Variants in ZNF442 observed in about 807,000 individuals in gnomAD.
ZNF442 encodes the protein zinc finger protein 442.
Under a neutral mutation model 57.0 loss-of-function variants are expected in ZNF442, and 45 were observed. The observed-to-expected ratio is 0.79, with a 90% CI of 0.62 to 1.01. The LOEUF (loss-of-function observed/expected upper bound fraction) is 1.01, where lower values mean the gene tolerates loss of function less well. ZNF442 is among the 50% of genes least tolerant of loss of function. ZNF442 has a pLI of 0.00. For synonymous variants in ZNF442, 213 were observed against 241.8 expected (o/e 0.88, Z 1.10); for missense variants, 690 against 756.5 (o/e 0.91, Z 1.03).
At chr19:12,357,128 T>C (rs1206969952) in intron 3 of ZNF442, among the ~76,000 whole-genome samples, 1 of 152,160 alleles carries the variant, frequency 6.6e-6, no homozygotes, top group African/African-American at 2.4e-5. Context: ...TTCATCGTAT[T>C]TTCTCCCCTC....
chr19:12,363,759 G>C, intron 2 of ZNF442, 88 bp from the exon 3 acceptor site: 1 of 810,464 alleles, frequency 1.2e-6, no homozygotes, highest in Non-Finnish European at 2.1e-6. Flanking sequence ...ATCCCACCCA[G>C]GGCATCCAGC....
intron 4 of ZNF442, among the ~76,000 whole-genome samples, chr19:12,352,739 A>C (rs970258562): frequency 5.9e-5 from 9 of 152,196 alleles, no homozygotes; most frequent in African/African-American, 2.2e-4. Flanking sequence ...AATATATGTG[A>C]CAGACAACAT....
intron 3 of ZNF442, among the ~76,000 whole-genome samples, chr19:12,357,781 C>G (rs1191153353): frequency 2.6e-5 from 4 of 152,052 alleles, no homozygotes; most frequent in Non-Finnish European, 4.4e-5. Context: ...TGATATAGTG[C>G]ATTGTGGTGA....
In ZNF442 at chr19:12,348,180, A is replaced by G. The variant is rs1969156494; in HGVS notation, c.*1521T>C. ...ACCAACATGGTGAAACCCCATCTCT[A>G]CTAAAAATAAAAATTAGCCAGGCAT... On this transcript the variant is annotated 3_prime_UTR_variant, in exon 6 of 6. Transcript: ENST00000242804. 6.6e-6 allele frequency: 1 copy of G among 152,066 alleles called. No individual in the cohort carries two copies. The highest frequency in any genetic ancestry group is 2.4e-5 in the African/African-American group (1 of 41,392). 9.4% of individuals were successfully genotyped at this position (152,066 alleles called of 1,614,324 possible).
chr19:12,351,742 G>T, intron 5 of ZNF442: 1 of 379,180 alleles, frequency 2.6e-6, no homozygotes, highest in Non-Finnish European at 4.7e-6. Flanking sequence ...TTGACCTTGT[G>T]ATCGCTCGCC....
rs1312876955 is a variant in ZNF442 at position 12,364,881 on chromosome 19, T to C, written c.-120A>G. The stretch of plus-strand genomic sequence containing the variant: ...ACACTGACCGCCGGCTTCTGCATTG[T>C]GCCTGGGGATAAGATCTCGGAGAGC... On this transcript the variant is annotated 5_prime_UTR_variant, in exon 2 of 6. Coordinates refer to ENST00000242804, the MANE Select transcript of ZNF442 (RefSeq NM_030824.3). The C allele has an allele frequency of 6.6e-6, 1 of 152,146 alleles. No individual in the cohort carries two copies. The highest frequency in any genetic ancestry group is 6.6e-5 in the Admixed American group (1 of 15,264). 9.4% of individuals were successfully genotyped at this position (152,146 alleles called of 1,614,324 possible).
chr19:12,373,051 T>A, the ZNF442 span, among the ~76,000 whole-genome samples: 1 of 152,226 alleles, frequency 6.6e-6, no homozygotes, highest in East Asian at 1.9e-4. Flanking sequence ...GGATTACAGG[T>A]GTCAGCCACC....
At chr19:12,357,677 T>A (rs1431298343) in intron 3 of ZNF442, among the ~76,000 whole-genome samples, 3 of 152,054 alleles carry the variant, frequency 2.0e-5, no homozygotes, top group African/African-American at 7.2e-5. Flanking sequence ...TCTAATTCAG[T>A]AGGACTAGAG....
intron 1 of ZNF442, 71 bp downstream of exon 1, chr19:12,365,461 GC>G: frequency 2.6e-6 from 1 of 382,956 alleles, no homozygotes; most frequent in South Asian, 2.8e-5. Flanking sequence ...CCCGGGTCCC[GC>G]CACAGCCGGT....
rs1019835576 is a variant in ZNF442, at chr19:12,365,589, T to C, written c.-539A>G. 9 of 379,110 alleles carry C rather than the reference T, an allele frequency of 2.4e-5. No homozygotes were observed. Among genetic ancestry groups the C allele is most frequent in the African/African-American group, 6.6e-5 (3 of 45,180 alleles). The allele number at this position is 379,110 out of a possible 1,614,324, so 23.5% of individuals were successfully genotyped here. ...TCCCCAAGGTTCCCCGCTGCCAGCATAGGACTCAGCGTGACAGTGCCTGCC... is the reference window on the plus strand; with the variant it reads ...TCCCCAAGGTTCCCCGCTGCCAGCACAGGACTCAGCGTGACAGTGCCTGCC... On this transcript the variant is annotated 5_prime_UTR_variant, in exon 1 of 6. An upstream start codon of the reference 5' UTR is lost. Transcript: ENST00000242804.
At chr19:12,367,205 G>C (rs998471333), upstream of ZNF442, among the ~76,000 whole-genome samples, 1 of 152,168 alleles carries the variant, frequency 6.6e-6, no homozygotes, top group Non-Finnish European at 1.5e-5. Context: ...AGAGTACAAA[G>C]AGAAGAATTT....
At chr19:12,357,770 A>G (rs1969357956) in intron 3 of ZNF442, among the ~76,000 whole-genome samples, 1 of 152,094 alleles carries the variant, frequency 6.6e-6, no homozygotes, top group Non-Finnish European at 1.5e-5. Context: ...TGTTGCCACA[A>G]TGATATAGTG....
At chr19:12,361,714 G>GGTCTCC (rs1442658272) in intron 3 of ZNF442, among the ~76,000 whole-genome samples, 1 of 69,908 alleles carries the variant, frequency 1.4e-5, no homozygotes, top group Admixed American at 2.1e-4. Context: ...CTGTCCCCAC[G>GGTCTCC]GTCTCCCTCT....
At position 12,350,394 on chromosome 19, in the gene ZNF442, T is replaced by C. The variant is rs1184048385; in HGVS notation, c.1191A>G (p.Ile397Met). Residue 397 changes from isoleucine to methionine, a missense_variant, in exon 6 of 6, where the codon ATA becomes ATG. Physicochemically the swap from Ile to Met is conservative, Grantham distance 10 (BLOSUM62 1). Coordinates refer to ENST00000242804, the MANE Select transcript of ZNF442 (RefSeq NM_030824.3). ...TGTGAGGTCCATCTCCAGTGTGCAT[T>C]ATCATATGACTTCGAAAGCTTGAGT... ...SHHSSFRSHM[I>M]MHTGDGPHKC... 1.9e-6 allele frequency: 3 copies of C among 1,613,906 alleles called. No homozygotes were observed. The highest frequency in any genetic ancestry group is 3.3e-5 in the Admixed American group (2 of 60,012).
intron 3 of ZNF442, among the ~76,000 whole-genome samples, chr19:12,361,686 C>G (rs1182883172): frequency 1.4e-5 from 2 of 143,078 alleles, no homozygotes; most frequent in African/African-American, 5.2e-5. Flanking sequence ...CCCCCTCTGC[C>G]TCCCCCTCCC....
intron 3 of ZNF442, 122 bp downstream of exon 3, chr19:12,363,432 C>T: frequency 1.1e-6 from 1 of 891,998 alleles, no homozygotes; most frequent in Non-Finnish European, 1.8e-6. Flanking sequence ...CAGTAAAGTG[C>T]TCAGTGACCA....
chr19:12,372,003 A>C, the ZNF442 span, among the ~76,000 whole-genome samples: 2 of 152,238 alleles, frequency 1.3e-5, no homozygotes, highest in Non-Finnish European at 2.9e-5. Flanking sequence ...AACAGAGTAA[A>C]CAGACAACCT....
chr19:12,369,341 G>A (rs140866075), upstream of ZNF442, among the ~76,000 whole-genome samples: 944 of 152,322 alleles, frequency 6.2e-3, 14 homozygotes, highest in African/African-American at 0.022. Context: ...AAGGCCAGCC[G>A]GGTGCAGTGG....
At chr19:12,353,506 C>T (rs952559411) in intron 3 of ZNF442, among the ~76,000 whole-genome samples, 6 of 152,278 alleles carry the variant, frequency 3.9e-5, no homozygotes, top group African/African-American at 9.6e-5. Context: ...TTGGATCCTT[C>T]GTGTACTCTA....
Sources: gnomAD v4.1 joint callset for allele counts (sites outside exome capture counted in the v4.1 genomes callset) on GRCh38, gnomAD v4.1.1 for gene constraint, MANE v1.5 for transcripts, NCBI Gene and HGNC (gene_info 2026-07-23, HGNC 2026-07-21) for gene names.